Variants in UBOX5 observed in about 807,000 individuals in gnomAD.
UBOX5 encodes the protein U-box domain containing 5, also known as RING finger protein 37.
Under a neutral mutation model 39.0 loss-of-function variants are expected in UBOX5, and 28 were observed. The observed-to-expected ratio is 0.72, with a 90% CI of 0.53 to 0.98. The LOEUF is 0.98. UBOX5 is among the 50% of genes least tolerant of loss of function. UBOX5 has a pLI of 0.00. For synonymous variants in UBOX5, 283 were observed against 275.5 expected (o/e 1.03, Z -0.27); for missense variants, 585 against 674.4 (o/e 0.87, Z 1.47).
intron 4 of UBOX5, among the ~76,000 whole-genome samples, chr20:3,113,245 G>A (rs890015487): frequency 1.2e-4 from 17 of 147,658 alleles, no homozygotes; most frequent in African/African-American, 3.5e-4. Flanking sequence ...CCGAGATTGC[G>A]CCATTGTACT....
At chr20:3,119,120 G>A (rs1568469797) in intron 3 of UBOX5, among the ~76,000 whole-genome samples, 1 of 152,192 alleles carries the variant, frequency 6.6e-6, no homozygotes, top group East Asian at 1.9e-4. Context: ...AGTGAGGAGT[G>A]TGACTTTCAA....
At chr20:3,151,903 G>A (rs1373921414) in intron 1 of UBOX5, 2 of 151,338 alleles carry the variant, frequency 1.3e-5, no homozygotes, top group East Asian at 1.9e-4. Context: ...TCAGGAGTTC[G>A]AGACCAGCCT....
chr20:3,138,922 A>G (rs1176987234), intron 1 of UBOX5, among the ~76,000 whole-genome samples: 1 of 152,204 alleles, frequency 6.6e-6, no homozygotes, highest in African/African-American at 2.4e-5. Flanking sequence ...AGATGTAATG[A>G]AAAGTAATTC....
intron 1 of UBOX5, among the ~76,000 whole-genome samples, chr20:3,126,098 A>G (rs1004898168): frequency 1.3e-5 from 2 of 152,226 alleles, no homozygotes; most frequent in Non-Finnish European, 2.9e-5. Flanking sequence ...AAAGAAAGAG[A>G]GATCAGATTG....
chr20:3,150,431 G>C (rs1175887236), intron 1 of UBOX5: 1 of 152,198 alleles, frequency 6.6e-6, no homozygotes, highest in East Asian at 1.9e-4. Flanking sequence ...CCTGTGAGCA[G>C]TATAATGCCC....
rs1247812844 is a variant in UBOX5, at chr20:3,108,288, A to G, written c.*1818T>C. 1 of 152,218 alleles carries G rather than the reference A, an allele frequency of 6.6e-6. No individual in the cohort carries two copies. Among genetic ancestry groups the G allele is most frequent in the African/African-American group, 2.4e-5 (1 of 41,430 alleles). 9.4% of individuals were successfully genotyped at this position (152,218 alleles called of 1,614,324 possible). A position where few individuals can be genotyped will look rare whatever the true frequency, so the allele number is the denominator to read the frequency against. ...ATGCCCAGCTAATTTTTGTATTTTT[A>G]GTAGAGATGGGGTTTTGCCATGTTG... On this transcript the variant is annotated 3_prime_UTR_variant, in exon 5 of 5. Coordinates refer to ENST00000217173, the MANE Select transcript of UBOX5 (RefSeq NM_014948.4).
chr20:3,142,054 A>G (rs2066521249), intron 1 of UBOX5, among the ~76,000 whole-genome samples: 1 of 150,270 alleles, frequency 6.7e-6, no homozygotes, highest in South Asian at 2.1e-4. Flanking sequence ...GCTACTTGGA[A>G]GGCTGAGGCA....
chr20:3,120,192 C>A (rs1415673280), intron 3 of UBOX5, among the ~76,000 whole-genome samples: 1 of 151,924 alleles, frequency 6.6e-6, no homozygotes, highest in African/African-American at 2.4e-5. Context: ...ACTAAAAATA[C>A]AAAAATTAGC....
intron 1 of UBOX5, chr20:3,150,716 T>C (rs555693577): frequency 6.6e-6 from 1 of 152,342 alleles, no homozygotes; most frequent in East Asian, 1.9e-4. Flanking sequence ...CATCATCATT[T>C]AGTTCATCAA....
intron 3 of UBOX5, among the ~76,000 whole-genome samples, chr20:3,119,990 C>T (rs1324900310): frequency 3.9e-5 from 6 of 152,036 alleles, no homozygotes; most frequent in African/African-American, 9.7e-5. Flanking sequence ...AGCAGCATCA[C>T]CGGCCCTAGA....
intron 1 of UBOX5, among the ~76,000 whole-genome samples, chr20:3,146,131 A>G (rs1050511885): frequency 1.3e-5 from 2 of 152,032 alleles, no homozygotes; most frequent in African/African-American, 4.8e-5. Context: ...ACCGGAAGTC[A>G]GGAGTTCAAG....
chr20:3,144,027 T>C (rs2066540083), intron 1 of UBOX5, among the ~76,000 whole-genome samples: 1 of 152,090 alleles, frequency 6.6e-6, no homozygotes, highest in African/African-American at 2.4e-5. Flanking sequence ...CATTCCTGAA[T>C]TAAAAATCTA....
intron 1 of UBOX5, among the ~76,000 whole-genome samples, chr20:3,157,616 T>C (rs375420796): frequency 1.3e-5 from 2 of 152,228 alleles, no homozygotes; most frequent in African/African-American, 4.8e-5. Flanking sequence ...CATAAAACCC[T>C]GTCTTTAGAA....
chr20:3,136,500 T>G (rs527350450), intron 1 of UBOX5, among the ~76,000 whole-genome samples: 1 of 141,416 alleles, frequency 7.1e-6, no homozygotes, highest in Admixed American at 7.1e-5. Flanking sequence ...ATTACAGGCA[T>G]GCGCCATCAC....
intron 3 of UBOX5, among the ~76,000 whole-genome samples, chr20:3,115,753 C>CTTTTT (rs11481933): frequency 6.8e-5 from 6 of 87,960 alleles, no homozygotes; most frequent in Admixed American, 1.5e-4. Context: ...CTGCACGCTC[C>CTTTTT]TTTTTTTTTT....
chr20:3,138,942 C>T (rs552648051), intron 1 of UBOX5, among the ~76,000 whole-genome samples: 2 of 151,622 alleles, frequency 1.3e-5, no homozygotes, highest in South Asian at 4.2e-4. Context: ...CTGGCAGACA[C>T]ACATATTTTA....
intron 4 of UBOX5, among the ~76,000 whole-genome samples, chr20:3,113,732 A>G (rs2066272483): frequency 6.6e-6 from 1 of 152,198 alleles, no homozygotes; most frequent in South Asian, 2.1e-4. Flanking sequence ...AAGCCTCACC[A>G]CAAGACAGAA....
chr20:3,145,095 T>C (rs2066548583), intron 1 of UBOX5, among the ~76,000 whole-genome samples: 1 of 151,944 alleles, frequency 6.6e-6, no homozygotes, highest in Non-Finnish European at 1.5e-5. Flanking sequence ...AGAATTTTAA[T>C]TTTAGAGCAC....
intron 1 of UBOX5, among the ~76,000 whole-genome samples, chr20:3,127,586 C>T (rs932358209): frequency 1.3e-5 from 2 of 152,150 alleles, no homozygotes; most frequent in East Asian, 1.9e-4. Flanking sequence ...ATCACATCAC[C>T]GAGAGCAAAG....
Sources: gnomAD v4.1 joint callset for allele counts (sites outside exome capture counted in the v4.1 genomes callset) on GRCh38, gnomAD v4.1.1 for gene constraint, MANE v1.5 for transcripts, NCBI Gene and HGNC (gene_info 2026-07-23, HGNC 2026-07-21) for gene names.